The following TGFA variants were observed in gnomAD, a reference collection of about 807,000 sequenced individuals.
TGFA encodes the protein transforming growth factor alpha.
Under a neutral mutation model 21.7 loss-of-function variants are expected in TGFA, and 12 were observed. The ratio of observed to expected loss-of-function variants is 0.55; its 90% CI spans 0.35 to 0.90. The LOEUF (loss-of-function observed/expected upper bound fraction) is 0.90. TGFA is among the 40% of genes least tolerant of loss of function. The probability of loss-of-function intolerance (pLI) is 0.01; values close to 1 mark genes in which losing one functional copy is unlikely to be tolerated. For synonymous variants in TGFA, 79 were observed against 88.1 expected (o/e 0.90, Z 0.58); for missense variants, 178 against 210.8 (o/e 0.84, Z 0.96).
At chr2:70,481,644 C>T (rs930975162) in intron 2 of TGFA, among the ~76,000 whole-genome samples, 23 of 152,272 alleles carry the variant, frequency 1.5e-4, no homozygotes, top group African/African-American at 5.1e-4. Context: ...CTGGTCTGTG[C>T]GACCAATAGA....
intron 2 of TGFA, among the ~76,000 whole-genome samples, chr2:70,478,879 TTTTAA>T (rs1245059555): frequency 6.6e-6 from 1 of 152,204 alleles, no homozygotes; most frequent in Non-Finnish European, 1.5e-5. Context: ...TAAATACTCT[TTTTAA>T]TTTGTTTACA....
intron 2 of TGFA, among the ~76,000 whole-genome samples, chr2:70,498,613 T>C (rs1339658958): frequency 6.6e-6 from 1 of 151,790 alleles, no homozygotes; most frequent in Non-Finnish European, 1.5e-5. Context: ...CTGTAAAAGG[T>C]GGCAGGTGCA....
chr2:70,503,532 C>A (rs1167840872), intron 2 of TGFA, among the ~76,000 whole-genome samples: 1 of 150,774 alleles, frequency 6.6e-6, no homozygotes, highest in African/African-American at 2.4e-5. Context: ...ATGTAACAAA[C>A]CTGCACGTTG....
intron 1 of TGFA, among the ~76,000 whole-genome samples, chr2:70,515,561 C>G (rs1447827590): frequency 6.6e-6 from 1 of 152,122 alleles, no homozygotes; most frequent in African/African-American, 2.4e-5. Flanking sequence ...GCTGTCCCAA[C>G]CCAAGATGGA....
intron 1 of TGFA, among the ~76,000 whole-genome samples, chr2:70,542,943 A>AG (rs1553505350): frequency 1.3e-5 from 2 of 150,974 alleles, no homozygotes; most frequent in African/African-American, 2.4e-5. Context: ...TCTCTACTAA[A>AG]AATACAAAAA....
chr2:70,523,288 GC>G (rs1266928156), intron 1 of TGFA, among the ~76,000 whole-genome samples: 2 of 152,188 alleles, frequency 1.3e-5, no homozygotes, highest in Non-Finnish European at 2.9e-5. Flanking sequence ...TCCCAAGGAG[GC>G]TAAGACAGAG....
intron 3 of TGFA, among the ~76,000 whole-genome samples, chr2:70,463,079 T>C (rs961741462): frequency 6.6e-6 from 1 of 152,006 alleles, no homozygotes; most frequent in African/African-American, 2.4e-5. Context: ...TGGGTTCTGG[T>C]GCTGGAATGA....
intron 1 of TGFA, among the ~76,000 whole-genome samples, chr2:70,533,740 C>A (rs1216147230): frequency 6.6e-6 from 1 of 152,152 alleles, no homozygotes; most frequent in African/African-American, 2.4e-5. Flanking sequence ...GTGGGCCCTG[C>A]AGTAGATGTA....
At chr2:70,529,588 T>TCCCCC (rs149639655) in intron 1 of TGFA, among the ~76,000 whole-genome samples, 102 of 146,526 alleles carry the variant, frequency 7.0e-4, no homozygotes, top group Middle Eastern at 3.7e-3. Flanking sequence ...GAGGAGTGAA[T>TCCCCC]CCCCCCGCCC....
intron 2 of TGFA, among the ~76,000 whole-genome samples, chr2:70,471,943 G>C (rs1187668732): frequency 6.6e-6 from 1 of 152,060 alleles, no homozygotes; most frequent in African/African-American, 2.4e-5. Flanking sequence ...TCTTTCCTAA[G>C]AATGATTCTC....
intron 1 of TGFA, among the ~76,000 whole-genome samples, chr2:70,534,138 C>T (rs1385643708): frequency 6.6e-6 from 1 of 152,228 alleles, no homozygotes; most frequent in African/African-American, 2.4e-5. Context: ...GAAGTTCTTA[C>T]ATACAAGTAA....
chr2:70,527,140 T>C (rs1574134403), intron 1 of TGFA, among the ~76,000 whole-genome samples: 1 of 152,206 alleles, frequency 6.6e-6, no homozygotes, highest in African/African-American at 2.4e-5. Flanking sequence ...CAAAGAAAAA[T>C]CTGCATATAG....
chr2:70,468,957 C>T (rs897232726), intron 2 of TGFA, among the ~76,000 whole-genome samples: 12 of 152,308 alleles, frequency 7.9e-5, no homozygotes, highest in Admixed American at 2.6e-4. Flanking sequence ...GTGTTCCATG[C>T]AACTGGTCCC....
chr2:70,537,802 T>C (rs1031834478), intron 1 of TGFA, among the ~76,000 whole-genome samples: 4 of 152,212 alleles, frequency 2.6e-5, no homozygotes, highest in African/African-American at 7.2e-5. Context: ...ACGTAGGAGC[T>C]GCAGCAAGTT....
chr2:70,525,451 A>T (rs1672604810), intron 1 of TGFA, among the ~76,000 whole-genome samples: 1 of 152,196 alleles, frequency 6.6e-6, no homozygotes, highest in Admixed American at 6.5e-5. Context: ...GTGGCTGATT[A>T]AGAAGCAAGT....
chr2:70,495,879 T>C (rs561072308), intron 2 of TGFA, among the ~76,000 whole-genome samples: 17 of 152,350 alleles, frequency 1.1e-4, no homozygotes, highest in Admixed American at 2.0e-4. Context: ...TGGTTATTGA[T>C]GGTTTATAGG....
chr2:70,482,456 C>G (rs1461248628), intron 2 of TGFA, among the ~76,000 whole-genome samples: 3 of 152,158 alleles, frequency 2.0e-5, no homozygotes, highest in Non-Finnish European at 1.5e-5. Context: ...AAAACCACCT[C>G]CCATGACCTG....
At chr2:70,504,485 C>CACAT (rs1671858251) in intron 2 of TGFA, among the ~76,000 whole-genome samples, 1 of 70,372 alleles carries the variant, frequency 1.4e-5, no homozygotes, top group African/African-American at 4.0e-5. Flanking sequence ...TACATACATA[C>CACAT]ACACACACAC....
At chr2:70,535,966 G>A (rs782088501) in intron 1 of TGFA, among the ~76,000 whole-genome samples, 8 of 152,192 alleles carry the variant, frequency 5.3e-5, no homozygotes, top group Non-Finnish European at 8.8e-5. Context: ...GCTTGTCCAG[G>A]AAACTGGAGT....
Sources: gnomAD v4.1 joint callset for allele counts (sites outside exome capture counted in the v4.1 genomes callset) on GRCh38, gnomAD v4.1.1 for gene constraint, MANE v1.5 for transcripts, NCBI Gene and HGNC (gene_info 2026-07-23, HGNC 2026-07-21) for gene names.